Variants in CHD7 observed in about 807,000 individuals in gnomAD.
CHD7 encodes chromodomain helicase DNA binding protein 7.
A neutral mutation model predicts 307.3 loss-of-function variants in CHD7; 24 were observed. That is an observed-to-expected ratio of 0.08 (90% CI 0.06 to 0.11). CHD7 has a LOEUF of 0.11. Among genes scored for constraint, CHD7 ranks in the 10% least tolerant of loss-of-function variants. CHD7 has a pLI of 1.00. For missense variants in CHD7, 3,106 were observed against 3,727.1 expected, an observed-to-expected ratio of 0.83 and a Z score of 4.34; for synonymous variants, 1,363 against 1,349.9, an observed-to-expected ratio of 1.01 and a Z score of -0.21.
chr8:60,814,231 A>G (rs1328145848), intron 7 of CHD7, among the ~76,000 whole-genome samples: 1 of 152,146 alleles, frequency 6.6e-6, no homozygotes, highest in East Asian at 1.9e-4. Flanking sequence ...GCAGAGTCAC[A>G]CTGAAAATTT....
rs143263433 is a variant in CHD7, at chr8:60,845,460, T to TA, written c.5210+57dup. 0.012 allele frequency: 19,473 copies of TA among 1,569,642 alleles called. 389 individuals carry two copies. Among genetic ancestry groups the TA allele is most frequent in the African/African-American group, 0.086 (6,293 of 73,534 alleles). ...AGAGCTTAATTCCCTTTTTATTCTT[T>TA]AAAAAATACATGCAGCCGGCCCTTC... On this transcript the variant is annotated intron_variant, in intron 23 of 37. Coordinates refer to ENST00000423902, the MANE Select transcript of CHD7 (RefSeq NM_017780.4).
chr8:60,783,203 C>G (rs1811342951), intron 3 of CHD7, among the ~76,000 whole-genome samples: 1 of 152,174 alleles, frequency 6.6e-6, no homozygotes, highest in Non-Finnish European at 1.5e-5. Context: ...TCTGAATCTA[C>G]ATCAGACTGG....
chr8:60,800,021 T>A (rs1281051180), intron 4 of CHD7, among the ~76,000 whole-genome samples: 1 of 152,114 alleles, frequency 6.6e-6, no homozygotes, highest in East Asian at 1.9e-4. Flanking sequence ...TGCGCCATTA[T>A]AAAGAACATT....
chr8:60,813,308 C>T (rs1417755103), intron 7 of CHD7, among the ~76,000 whole-genome samples: 1 of 152,090 alleles, frequency 6.6e-6, no homozygotes, highest in African/African-American at 2.4e-5. Context: ...CTAATTGATT[C>T]TCTAGGGTTC....
chr8:60,802,441 C>T (rs1377751925), intron 6 of CHD7, among the ~76,000 whole-genome samples: 2 of 152,198 alleles, frequency 1.3e-5, no homozygotes, highest in African/African-American at 4.8e-5. Context: ...GTCGCAGCTT[C>T]AGTCATTATC....
intron 15 of CHD7, among the ~76,000 whole-genome samples, chr8:60,835,868 G>A (rs559686604): frequency 6.6e-6 from 1 of 152,164 alleles, no homozygotes; most frequent in African/African-American, 2.4e-5. Context: ...ATGCCTCAAT[G>A]TGTTGTGCTT....
At chr8:60,825,977 A>C (rs1353521940) in intron 13 of CHD7, among the ~76,000 whole-genome samples, 1 of 152,056 alleles carries the variant, frequency 6.6e-6, no homozygotes, top group Non-Finnish European at 1.5e-5. Flanking sequence ...TCCTAATGCT[A>C]TCCCTCCCCC....
intron 1 of CHD7, among the ~76,000 whole-genome samples, chr8:60,704,128 T>A (rs1273320631): frequency 3.9e-5 from 6 of 152,210 alleles, no homozygotes; most frequent in Non-Finnish European, 8.8e-5. Flanking sequence ...TGTTTGAGTT[T>A]CCTCAGTACT....
At chr8:60,701,831 T>C (rs1331674098) in intron 1 of CHD7, among the ~76,000 whole-genome samples, 1 of 152,200 alleles carries the variant, frequency 6.6e-6, no homozygotes, top group Non-Finnish European at 1.5e-5. Flanking sequence ...GAGGCAGCCA[T>C]CATCATTTTG....
intron 3 of CHD7, among the ~76,000 whole-genome samples, chr8:60,786,653 C>T (rs1455426048): frequency 6.6e-6 from 1 of 152,080 alleles, no homozygotes; most frequent in Non-Finnish European, 1.5e-5. Context: ...CCTTGAAAGT[C>T]CTAAGTGGAA....
intron 19 of CHD7, among the ~76,000 whole-genome samples, chr8:60,838,475 G>A (rs1421616828): frequency 1.3e-5 from 2 of 152,124 alleles, no homozygotes; most frequent in Admixed American, 1.3e-4. Context: ...CCTTGTATCT[G>A]CTTCCCAGCT....
intron 9 of CHD7, 49 bp from the exon 10 acceptor site, chr8:60,821,741 T>C (rs1055378403): frequency 2.0e-6 from 3 of 1,520,990 alleles, no homozygotes; most frequent in Non-Finnish European, 2.7e-6. Flanking sequence ...TGTATATGTA[T>C]GTATGTGGTC....
In CHD7 at chr8:60,742,692, A is replaced by G. The variant is rs1332728138; in HGVS notation, c.1260A>G (p.Ile420Met). 9.3e-6 allele frequency: 15 copies of G among 1,612,062 alleles called. No individual in the cohort carries two copies. Among genetic ancestry groups the G allele is most frequent in the Middle Eastern group, 1.7e-4 (1 of 6,054 alleles). The change falls in exon 2 of 38, where the codon ATA (isoleucine) becomes ATG (methionine). Residue 420 changes from isoleucine to methionine, a missense_variant. Physicochemically the swap from Ile to Met is conservative, Grantham distance 10. Around this residue, in one of 10 missense-constraint regions of CHD7, gnomAD observed 998 missense variants for 1,004.5 expected, o/e 0.99. Transcript: ENST00000423902. The part of the protein sequence containing the change: ...PPQVRPGSAG[I>M]PMEVGSYPNM... ...AAGTCAGGCCGGGAAGTGCTGGGAT[A>G]CCAATGGAAGTTGGCAGTTATCCAA...
intron 34 of CHD7, among the ~76,000 whole-genome samples, chr8:60,857,344 A>T (rs1805763223): frequency 6.6e-6 from 1 of 152,220 alleles, no homozygotes; most frequent in African/African-American, 2.4e-5. Flanking sequence ...TAAAAATTTG[A>T]GCTGTGCTTT....
chr8:60,759,366 C>A (rs981131780), intron 2 of CHD7, among the ~76,000 whole-genome samples: 5 of 151,784 alleles, frequency 3.3e-5, no homozygotes, highest in Non-Finnish European at 7.4e-5. Context: ...ATGCTGTTTG[C>A]TTCTCTCCCT....
At chr8:60,844,460 C>G (rs1316422656) in intron 21 of CHD7, among the ~76,000 whole-genome samples, 1 of 152,194 alleles carries the variant, frequency 6.6e-6, no homozygotes, top group Non-Finnish European at 1.5e-5. Flanking sequence ...GGGGTAGTCA[C>G]ACCTTTTATC....
chr8:60,788,435 C>A (rs557004944), intron 3 of CHD7, among the ~76,000 whole-genome samples: 51 of 152,234 alleles, frequency 3.4e-4, no homozygotes, highest in African/African-American at 1.2e-3. Context: ...GCCAATGTAC[C>A]CAGCTGGTGA....
intron 1 of CHD7, among the ~76,000 whole-genome samples, chr8:60,713,033 G>C: frequency 7.8e-6 from 1 of 127,600 alleles, no homozygotes; most frequent in African/African-American, 3.0e-5. Flanking sequence ...CTGGGCAACA[G>C]AGTGAAACTC....
At position 60,841,831 on chromosome 8, in the gene CHD7, C is replaced by T. The variant is rs1487936420; in HGVS notation, c.4645-16C>T. The T allele has an allele frequency of 6.2e-7, 1 of 1,608,592 alleles. No individual in the cohort carries two copies. The highest frequency in any genetic ancestry group is 1.7e-4 in the Middle Eastern group (1 of 6,056). On this transcript the variant is annotated splice_polypyrimidine_tract_variant and intron_variant, in intron 20 of 37. Coordinates refer to ENST00000423902, the MANE Select transcript of CHD7 (RefSeq NM_017780.4). The stretch of plus-strand genomic sequence containing the variant: ...TCTTTGAGAAATGTCAAATGTATCT[C>T]CTCTTTTATTATTAGAACAACCTGG...
Sources: gnomAD v4.1 joint callset for allele counts (sites outside exome capture counted in the v4.1 genomes callset) on GRCh38, gnomAD v4.1.1 for gene constraint, gnomAD v4.1.1 regional missense constraint, MANE v1.5 for transcripts, NCBI Gene and HGNC (gene_info 2026-07-23, HGNC 2026-07-21) for gene names.